GSE1: variants seen among roughly 807,000 people sequenced by gnomAD.
The protein encoded by GSE1 is Gse1 coiled-coil protein.
A neutral mutation model predicts 112.6 loss-of-function variants in GSE1; 32 were observed. The ratio of observed to expected loss-of-function variants is 0.28; its 90% CI spans 0.21 to 0.38. The LOEUF (loss-of-function observed/expected upper bound fraction) is 0.38, where lower values mean the gene tolerates loss of function less well. Among genes scored for constraint, GSE1 ranks in the 10% least tolerant of loss-of-function variants. The pLI is 1.00. For synonymous variants in GSE1, 1,115 were observed against 735.6 expected, an observed-to-expected ratio of 1.52 and a Z score of -8.35; for missense variants, 2,348 against 1,699.2, an observed-to-expected ratio of 1.38 and a Z score of -6.71.
intron 1 of GSE1, among the ~76,000 whole-genome samples, chr16:85,203,933 C>G (rs965497781): frequency 5.3e-5 from 8 of 152,048 alleles, no homozygotes; most frequent in African/African-American, 1.9e-4. Context: ...GAGATGGGGT[C>G]TCACTTTTTG....
intron 2 of GSE1, among the ~76,000 whole-genome samples, chr16:85,523,756 T>G (rs931645383): frequency 3.7e-4 from 57 of 152,208 alleles, no homozygotes; most frequent in Non-Finnish European, 6.3e-4. Context: ...CTGCCTGGCC[T>G]GGTAGCTCAG....
At chr16:85,594,965 A>G in intron 1 of GSE1, 1 of 153,332 alleles carries the variant, frequency 6.5e-6, no homozygotes, top group Non-Finnish European at 1.5e-5. Context: ...GAAAGAAACC[A>G]GGGGGCCAGG....
chr16:85,399,140 C>T (rs2048033497), intron 2 of GSE1, among the ~76,000 whole-genome samples: 2 of 152,110 alleles, frequency 1.3e-5, no homozygotes, highest in African/African-American at 4.8e-5. Flanking sequence ...ATACACGTGG[C>T]TTGTGTGTGT....
upstream of GSE1, among the ~76,000 whole-genome samples, chr16:85,611,794 G>C (rs575027081): frequency 9.5e-4 from 144 of 152,042 alleles, no homozygotes; most frequent in Middle Eastern, 0.01. Flanking sequence ...AGCGTCATCG[G>C]GAACAGATGG....
chr16:85,520,175 T>G (rs1567556563), intron 2 of GSE1, among the ~76,000 whole-genome samples: 1 of 152,174 alleles, frequency 6.6e-6, no homozygotes, highest in Non-Finnish European at 1.5e-5. Flanking sequence ...ACCTCGTGGT[T>G]CCTGGATGGT....
intron 1 of GSE1, among the ~76,000 whole-genome samples, chr16:85,317,426 C>G (rs999906706): frequency 7.9e-5 from 12 of 152,270 alleles, no homozygotes; most frequent in South Asian, 2.1e-4. Context: ...CAGGACCAGC[C>G]TCAGCCAGCA....
At chr16:85,451,336 G>A (rs1451977074) in intron 2 of GSE1, among the ~76,000 whole-genome samples, 1 of 152,220 alleles carries the variant, frequency 6.6e-6, no homozygotes, top group Non-Finnish European at 1.5e-5. Context: ...TGTCATGTAG[G>A]CGGAGGCGTT....
intron 2 of GSE1, among the ~76,000 whole-genome samples, chr16:85,394,191 G>A (rs560426323): frequency 1.3e-5 from 2 of 152,170 alleles, no homozygotes; most frequent in South Asian, 2.1e-4. Flanking sequence ...GGGGAGAGGC[G>A]GGGCTGGAGG....
Position 85,641,308 on chromosome 16 carries a change from C to T in GSE1, c.226+7176C>T, listed in dbSNP as rs1259258422. Among the ~76,000 whole-genome samples, 9 of 152,244 alleles carry T rather than the reference C, an allele frequency of 5.9e-5. No individual in the cohort carries two copies. In the South Asian group the frequency reaches 6.2e-4, roughly 11 times the overall value. On this transcript the variant is annotated intron_variant, in intron 2 of 15. Transcript: ENST00000253458. The stretch of plus-strand genomic sequence containing the variant: ...AGCTCACGCTGTTCAGCACATAATC[C>T]GCCCCCGGCAAAACGCATCTCCAGC...
chr16:85,575,211 G>T (rs2046178848), intron 1 of GSE1, among the ~76,000 whole-genome samples: 1 of 152,212 alleles, frequency 6.6e-6, no homozygotes, highest in South Asian at 2.1e-4. Context: ...ATGTCCACAG[G>T]GCCAGGGCAG....
intron 2 of GSE1, among the ~76,000 whole-genome samples, chr16:85,508,880 G>A (rs2051634856): frequency 6.6e-6 from 1 of 152,222 alleles, no homozygotes; most frequent in Non-Finnish European, 1.5e-5. Flanking sequence ...ACAAACGTGT[G>A]TGTCAGGGTC....
upstream of GSE1, chr16:85,555,104 A>AGCCGCC (rs907578368): frequency 5.2e-5 from 51 of 984,930 alleles, no homozygotes; most frequent in South Asian, 1.4e-4. Flanking sequence ...AGACGGAAGG[A>AGCCGCC]GCCGCCGCCG....
rs1035839865 is a variant in GSE1, at chr16:85,673,844, A to G, written c.*1305A>G. ...GAAGTCAATGATTTCTGTGATTGAT[A>G]TAATTCTAAGGTGTCTGAGAGCAGG... On this transcript the variant is annotated 3_prime_UTR_variant, in exon 16 of 16. Coordinates refer to ENST00000253458, the MANE Select transcript of GSE1 (RefSeq NM_014615.5). 6.6e-6 allele frequency: 1 copy of G among 152,210 alleles called. No individual in the cohort carries two copies. Among genetic ancestry groups the G allele is most frequent in the Non-Finnish European group, 1.5e-5 (1 of 68,040 alleles). 9.4% of individuals were successfully genotyped at this position (152,210 alleles called of 1,614,324 possible).
intron 1 of GSE1, among the ~76,000 whole-genome samples, chr16:85,559,541 G>A (rs1455188625): frequency 1.3e-5 from 2 of 152,186 alleles, no homozygotes; most frequent in Non-Finnish European, 2.9e-5. Context: ...CCCAGAACCC[G>A]CCTGTCCAGC....
At chr16:85,259,809 C>T (rs930838954) in intron 1 of GSE1, among the ~76,000 whole-genome samples, 5 of 152,228 alleles carry the variant, frequency 3.3e-5, no homozygotes, top group Non-Finnish European at 7.3e-5. Flanking sequence ...GTGATGGGCG[C>T]ATGGGGCATG....
At chr16:85,543,514 G>T (rs990939060) in intron 2 of GSE1, among the ~76,000 whole-genome samples, 2 of 152,188 alleles carry the variant, frequency 1.3e-5, no homozygotes, top group African/African-American at 4.8e-5. Flanking sequence ...TTTTGCATGA[G>T]CCCTGCTGGG....
At chr16:85,251,835 C>T (rs1340818038) in intron 1 of GSE1, among the ~76,000 whole-genome samples, 2 of 152,348 alleles carry the variant, frequency 1.3e-5, no homozygotes, top group East Asian at 1.9e-4. Context: ...GGGGGCTGCA[C>T]ACAACCGCTG....
At chr16:85,574,659 C>A (rs2046145872) in intron 1 of GSE1, among the ~76,000 whole-genome samples, 1 of 152,246 alleles carries the variant, frequency 6.6e-6, no homozygotes, top group African/African-American at 2.4e-5. Context: ...ATGCCAAGAG[C>A]CCAAGAAGGC....
In GSE1 at chr16:85,383,539, CTCTCTCTCTCT is replaced by C. The variant is rs1567725181; in HGVS notation, c.2464+25897_2464+25907del. On this transcript the variant is annotated intron_variant, in intron 2 of 2. Transcript: ENST00000637419. Reference sequence around the variant, plus strand: ...CACGCACACCTGCGTCTCTCTCTCTCTCTCTCTCTCTCTCTCTCTCTCTCTCTCTCTCTCTG... The same window carrying C: ...CACGCACACCTGCGTCTCTCTCTCTCCTCTCTCTCTCTCTCTCTCTCTCTG... Among the ~76,000 whole-genome samples, 65 of 76,002 alleles carry C rather than the reference CTCTCTCTCTCT, an allele frequency of 8.6e-4. 1 individual carries two copies. The highest frequency in any genetic ancestry group is 2.4e-3 in the East Asian group (9 of 3,716). The allele number at this position is 76,002 out of a possible 152,430, so 49.9% of individuals were successfully genotyped here. A position where few individuals can be genotyped will look rare whatever the true frequency, so the allele number is the denominator to read the frequency against.
Sources: gnomAD v4.1 joint callset for allele counts (sites outside exome capture counted in the v4.1 genomes callset) on GRCh38, gnomAD v4.1.1 for gene constraint, MANE v1.5 for transcripts, NCBI Gene and HGNC (gene_info 2026-07-23, HGNC 2026-07-21) for gene names.